Variants in KCNK2 observed in about 807,000 individuals in gnomAD.
KCNK2 encodes potassium two pore domain channel subfamily K member 2.
KCNK2 carries 21 observed loss-of-function variants against 40.5 expected under a neutral mutation model. That is an observed-to-expected ratio of 0.52 (90% CI 0.37 to 0.75). The LOEUF is 0.75. KCNK2 is among the 30% of genes least tolerant of loss of function. The probability of loss-of-function intolerance (pLI) is 0.00; values close to 1 mark genes in which losing one functional copy is unlikely to be tolerated. For missense variants in KCNK2, 399 were observed against 531.6 expected, an observed-to-expected ratio of 0.75 and a Z score of 2.45; for synonymous variants, 191 against 202.2, an observed-to-expected ratio of 0.94 and a Z score of 0.47.
intron 3 of KCNK2, among the ~76,000 whole-genome samples, chr1:215,158,585 T>C (rs1042082759): frequency 6.6e-6 from 1 of 152,204 alleles, no homozygotes; most frequent in Non-Finnish European, 1.5e-5. Context: ...TTGTATCTTT[T>C]ATTTATTTTT....
intron 3 of KCNK2, among the ~76,000 whole-genome samples, chr1:215,136,143 C>T (rs111610710): frequency 1.3e-4 from 20 of 151,966 alleles, no homozygotes; most frequent in African/African-American, 4.1e-4. Context: ...CTCACTCTGT[C>T]GCCCAGGTGT....
At chr1:215,156,545 C>T (rs1374973699) in intron 3 of KCNK2, among the ~76,000 whole-genome samples, 1 of 152,148 alleles carries the variant, frequency 6.6e-6, no homozygotes, top group Admixed American at 6.5e-5. Context: ...ATCTAAATTA[C>T]AGAGCTTGCC....
chr1:215,123,403 ATT>A (rs1003003740), intron 2 of KCNK2, among the ~76,000 whole-genome samples: 4 of 145,124 alleles, frequency 2.8e-5, no homozygotes, highest in Admixed American at 6.9e-5. Flanking sequence ...GTATTTTCTT[ATT>A]TTTTTTTTTT....
In KCNK2 at chr1:215,089,451, G is replaced by A. The variant is rs112563108; in HGVS notation, c.357+2773G>A. The stretch of plus-strand genomic sequence containing the variant: ...GTGGTCTGACAGTGGGCCAATATCA[G>A]GTGCAGTTAGTCTAATCTGGTCTCA... On this transcript the variant is annotated intron_variant, in intron 2 of 6. Coordinates refer to ENST00000444842, the MANE Select transcript of KCNK2 (RefSeq NM_001017425.3). 7.2e-4 allele frequency among the ~76,000 whole-genome samples: 110 copies of A among 152,272 alleles called. 1 individual carries two copies. Among genetic ancestry groups the A allele is most frequent in the African/African-American group, 2.6e-3 (106 of 41,552 alleles).
chr1:215,125,684 A>G (rs908207537), intron 3 of KCNK2, among the ~76,000 whole-genome samples: 3 of 150,720 alleles, frequency 2.0e-5, no homozygotes, highest in Non-Finnish European at 4.4e-5. Flanking sequence ...ACATGTATAC[A>G]TATGTAACAA....
At chr1:215,203,146 T>C (rs1335932954) in intron 6 of KCNK2, among the ~76,000 whole-genome samples, 1 of 152,214 alleles carries the variant, frequency 6.6e-6, no homozygotes, top group African/African-American at 2.4e-5. Flanking sequence ...GATTTTTGTA[T>C]TTAATTTGGT....
chr1:215,171,985 T>C lies in KCNK2; in HGVS notation c.637-12T>C. On this transcript the variant is annotated splice_polypyrimidine_tract_variant and intron_variant, in intron 4 of 6. Coordinates refer to ENST00000444842, the MANE Select transcript of KCNK2 (RefSeq NM_001017425.3). ...ATATATATATACACACACCTTTCTG[T>C]CTCATCCCTAGAAGTGGAATGTTAG... is the stretch of plus-strand genomic sequence containing the variant. The C allele has an allele frequency of 6.3e-7, 1 of 1,595,544 alleles. No individual in the cohort carries two copies. The highest frequency in any genetic ancestry group is 8.6e-7 in the Non-Finnish European group (1 of 1,164,436).
At chr1:215,019,855 A>C (rs1023787097) in intron 1 of KCNK2, among the ~76,000 whole-genome samples, 4 of 152,092 alleles carry the variant, frequency 2.6e-5, no homozygotes, top group Non-Finnish European at 5.9e-5. Flanking sequence ...TCTTTGGCAC[A>C]ATATTATTGT....
intron 1 of KCNK2, among the ~76,000 whole-genome samples, chr1:215,075,125 A>G (rs12075969): frequency 0.01 from 1,525 of 152,326 alleles, 25 homozygotes; most frequent in African/African-American, 0.034. Flanking sequence ...TGAATTTTCA[A>G]AACTAAAAAG....
chr1:215,222,985 G>A (rs1423880263), intron 6 of KCNK2, among the ~76,000 whole-genome samples: 1 of 151,706 alleles, frequency 6.6e-6, no homozygotes, highest in Non-Finnish European at 1.5e-5. Context: ...AAAGCATTAA[G>A]GTATATAAGC....
intron 1 of KCNK2, among the ~76,000 whole-genome samples, chr1:215,074,745 G>A (rs191265252): frequency 6.6e-6 from 1 of 152,128 alleles, no homozygotes. Context: ...CATTGTTGGT[G>A]GAGGATTGTC....
At chr1:215,014,427 T>C (rs1656513597) in intron 1 of KCNK2, among the ~76,000 whole-genome samples, 1 of 151,620 alleles carries the variant, frequency 6.6e-6, no homozygotes, top group Non-Finnish European at 1.5e-5. Context: ...GCCTCAAAAA[T>C]GTCAAAAATT....
chr1:215,092,137 A>AG (rs755221008), intron 2 of KCNK2, among the ~76,000 whole-genome samples: 1 of 152,104 alleles, frequency 6.6e-6, no homozygotes, highest in South Asian at 2.1e-4. Context: ...GTAAGAAATG[A>AG]GGGGGGCTTG....
chr1:215,131,537 A>T (rs11120502), intron 3 of KCNK2, among the ~76,000 whole-genome samples: 7,448 of 147,526 alleles, frequency 0.05, 619 homozygotes, highest in African/African-American at 0.17. Flanking sequence ...ATATTAATCT[A>T]GTTATATGTT....
Position 215,236,451 on chromosome 1 carries a change from G to A in KCNK2, c.*1306G>A, listed in dbSNP as rs1666900274. 1 of 152,490 alleles carries A rather than the reference G, an allele frequency of 6.6e-6. No homozygotes were observed. Among genetic ancestry groups the A allele is most frequent in the South Asian group, 2.1e-4 (1 of 4,828 alleles). The allele number at this position is 152,490 out of a possible 1,614,324, so 9.4% of individuals were successfully genotyped here. On this transcript the variant is annotated 3_prime_UTR_variant, in exon 7 of 7. Coordinates refer to ENST00000444842, the MANE Select transcript of KCNK2 (RefSeq NM_001017425.3). ...TGCACATGGAAAAATGCAGATTGCA[G>A]GCATAATTCATCTCTGACATTAGAG...
intron 5 of KCNK2, among the ~76,000 whole-genome samples, chr1:215,173,579 C>A (rs1663818359): frequency 6.6e-6 from 1 of 152,172 alleles, no homozygotes; most frequent in Non-Finnish European, 1.5e-5. Flanking sequence ...AGTTTACAGT[C>A]CCACCAACAG....
chr1:215,195,204 A>G (rs1425674826), intron 6 of KCNK2, 112 bp downstream of exon 6: 40 of 882,952 alleles, frequency 4.5e-5, no homozygotes, highest in Non-Finnish European at 6.1e-5. Flanking sequence ...AAATGTTAAT[A>G]TTTTCTATTT....
At chr1:215,234,503 A>G (rs1218396649) in intron 6 of KCNK2, among the ~76,000 whole-genome samples, 2 of 152,160 alleles carry the variant, frequency 1.3e-5, no homozygotes, top group Non-Finnish European at 2.9e-5. Flanking sequence ...ATGTTTTTTA[A>G]AAGCTAGAGA....
chr1:215,022,035 A>G (rs1430965966), intron 1 of KCNK2, among the ~76,000 whole-genome samples: 1 of 146,424 alleles, frequency 6.8e-6, no homozygotes, highest in Non-Finnish European at 1.5e-5. Context: ...TTGGTTCTCC[A>G]GCTTGCAGAT....
Sources: allele counts gnomAD v4.1 joint callset (sites outside exome capture counted in the v4.1 genomes callset), GRCh38; gene constraint gnomAD v4.1.1; transcripts MANE v1.5; gene names NCBI Gene and HGNC (gene_info 2026-07-23, HGNC 2026-07-21).